PXDC1: variants seen among roughly 807,000 people sequenced by gnomAD.
PXDC1 encodes PX domain containing 1, also known as PX domain-containing protein 1.
In PXDC1, 13 loss-of-function variants were observed where a neutral mutation model predicts 24.4. That is an observed-to-expected ratio of 0.53 (90% CI 0.35 to 0.85). PXDC1 has a LOEUF of 0.85. Among genes scored for constraint, PXDC1 ranks in the 40% least tolerant of loss-of-function variants. The pLI is 0.01. For missense variants in PXDC1, 344 were observed against 309.3 expected (o/e 1.11, Z -0.84); for synonymous variants, 162 against 124.9 (o/e 1.30, Z -1.98).
intron 1 of PXDC1, among the ~76,000 whole-genome samples, chr6:3,743,185 T>A (rs1212475429): frequency 6.7e-6 from 1 of 149,184 alleles, no homozygotes; most frequent in African/African-American, 2.5e-5. Context: ...GGCTTCCTGC[T>A]GCTGCAATTC....
intron 3 of PXDC1, among the ~76,000 whole-genome samples, chr6:3,729,512 G>A (rs767179016): frequency 6.6e-6 from 1 of 152,180 alleles, no homozygotes; most frequent in Non-Finnish European, 1.5e-5. Context: ...GTCCTGAGAA[G>A]GAGCTCTGCG....
intron 3 of PXDC1, among the ~76,000 whole-genome samples, chr6:3,730,210 T>C (rs1345065866): frequency 6.6e-6 from 1 of 152,144 alleles, no homozygotes; most frequent in Non-Finnish European, 1.5e-5. Flanking sequence ...TCCGGTTCCC[T>C]CCTGGATCCC....
intron 4 of PXDC1, among the ~76,000 whole-genome samples, 173 bp downstream of exon 4, chr6:3,727,378 A>T (rs1760091557): frequency 6.6e-6 from 1 of 152,182 alleles, no homozygotes. Flanking sequence ...ACTCATCAAG[A>T]TCTCACCAGA....
chr6:3,751,166 G>T, intron 1 of PXDC1, 110 bp downstream of exon 1: 3 of 877,306 alleles, frequency 3.4e-6, no homozygotes, highest in Non-Finnish European at 4.9e-6. Context: ...CCTGTCCAGG[G>T]CGGGCAGAAA....
intron 3 of PXDC1, among the ~76,000 whole-genome samples, chr6:3,731,391 C>T (rs1309660189): frequency 6.6e-6 from 1 of 152,216 alleles, no homozygotes; most frequent in Non-Finnish European, 1.5e-5. Context: ...TTCAAACATA[C>T]AGTGTGAATG....
At position 3,723,530 on chromosome 6, in the gene PXDC1, G is replaced by A. The variant is rs1045778; in HGVS notation, c.*89C>T. On this transcript the variant is annotated 3_prime_UTR_variant, in exon 5 of 5. Coordinates refer to ENST00000380283, the MANE Select transcript of PXDC1 (RefSeq NM_183373.4). Reference sequence around the variant, plus strand: ...GACGTCTGGGAGTTCCAGAGCTGGGGCAGCAGCTGTGACCATGGGGGCCAG... The same window carrying A: ...GACGTCTGGGAGTTCCAGAGCTGGGACAGCAGCTGTGACCATGGGGGCCAG... 1 of 1,004,918 alleles carries A rather than the reference G, an allele frequency of 1.0e-6. No individual in the cohort carries two copies. Among genetic ancestry groups the A allele is most frequent in the Non-Finnish European group, 1.6e-6 (1 of 641,908 alleles). The allele number at this position is 1,004,918 out of a possible 1,614,324, so 62.3% of individuals were successfully genotyped here. A position where few individuals can be genotyped will look rare whatever the true frequency, so the allele number is the denominator to read the frequency against.
At chr6:3,749,674 G>A (rs931044592) in intron 1 of PXDC1, among the ~76,000 whole-genome samples, 4 of 152,002 alleles carry the variant, frequency 2.6e-5, no homozygotes, top group South Asian at 2.1e-4. Flanking sequence ...AATGACAACT[G>A]GCATTTATGG....
chr6:3,725,721 C>T lies in PXDC1; in HGVS notation c.578+1830G>A, dbSNP rs1760048970. ...CAACCCCCCACCCGACAGCCGGTGC[C>T]GTGTAGAAACAGATCGTCCCTGTGA... On this transcript the variant is annotated intron_variant, in intron 4 of 4. Coordinates refer to ENST00000380283, the MANE Select transcript of PXDC1 (RefSeq NM_183373.4). This position sits in a 1 kb window ranked among gnomAD's most constrained non-coding sequence, Gnocchi z 4.8. Among the ~76,000 whole-genome samples the T allele has an allele frequency of 6.6e-6, 1 of 152,210 alleles. No homozygotes were observed. The highest frequency in any genetic ancestry group is 1.5e-5 in the Non-Finnish European group (1 of 68,036).
At chr6:3,743,027 C>T (rs1760483325) in intron 1 of PXDC1, among the ~76,000 whole-genome samples, 1 of 152,166 alleles carries the variant, frequency 6.6e-6, no homozygotes, top group Non-Finnish European at 1.5e-5. Context: ...ACAGTGAGAG[C>T]CAACGTTAAC....
chr6:3,750,082 G>A (rs1760667018), intron 1 of PXDC1, among the ~76,000 whole-genome samples: 1 of 152,202 alleles, frequency 6.6e-6, no homozygotes, highest in African/African-American at 2.4e-5. Context: ...TCTCGCTCAG[G>A]GCCCCAACTC....
intron 1 of PXDC1, among the ~76,000 whole-genome samples, chr6:3,750,698 G>T (rs991667657): frequency 3.9e-5 from 6 of 152,142 alleles, no homozygotes; most frequent in Non-Finnish European, 5.9e-5. Flanking sequence ...GGTGCGGGGG[G>T]GCCCTGGCTG....
At chr6:3,740,429 C>T (rs1760427212) in intron 1 of PXDC1, among the ~76,000 whole-genome samples, 1 of 152,230 alleles carries the variant, frequency 6.6e-6, no homozygotes, top group African/African-American at 2.4e-5. Flanking sequence ...GACAGACTTA[C>T]ACTAAAAACA....
intron 1 of PXDC1, among the ~76,000 whole-genome samples, chr6:3,743,112 C>T (rs539663024): frequency 6.6e-6 from 1 of 152,346 alleles, no homozygotes; most frequent in East Asian, 1.9e-4. Flanking sequence ...TTGGGCTCAA[C>T]ACTTGCGGTA....
At chr6:3,733,081 C>A (rs1390890167) in intron 3 of PXDC1, among the ~76,000 whole-genome samples, 1 of 152,120 alleles carries the variant, frequency 6.6e-6, no homozygotes, top group Non-Finnish European at 1.5e-5. Context: ...CTCTGAATGC[C>A]CAGAATGACC....
chr6:3,742,319 T>C (rs1304343590), intron 1 of PXDC1, among the ~76,000 whole-genome samples: 1 of 152,256 alleles, frequency 6.6e-6, no homozygotes, highest in Non-Finnish European at 1.5e-5. Flanking sequence ...AAGCAACGAT[T>C]TGAAAACTTG....
At chr6:3,738,016 C>T in intron 2 of PXDC1, 41 bp downstream of exon 2, 2 of 1,541,040 alleles carry the variant, frequency 1.3e-6, no homozygotes, top group Non-Finnish European at 1.8e-6. Context: ...GTGCCAGCAC[C>T]TCCCACCTCC....
intron 3 of PXDC1, among the ~76,000 whole-genome samples, chr6:3,731,864 C>A (rs553463066): frequency 8.3e-4 from 126 of 152,292 alleles, no homozygotes; most frequent in Non-Finnish European, 1.5e-3. Flanking sequence ...TACACAGTGA[C>A]GCTGCATGAG....
rs377192004 is a variant in PXDC1 at position 3,722,719 on chromosome 6, G to A, written c.*900C>T. On this transcript the variant is annotated 3_prime_UTR_variant, in exon 5 of 5. Transcript: ENST00000380283. The stretch of plus-strand genomic sequence containing the variant: ...ACTATTATTTACATTAGCAAATGTC[G>A]GTCGTTAGTAGACACTGAGCAGAGA... 5.2e-4 allele frequency: 79 copies of A among 152,714 alleles called. No individual in the cohort carries two copies. The highest frequency in any genetic ancestry group is 1.8e-3 in the African/African-American group (75 of 41,548). The allele number at this position is 152,714 out of a possible 1,614,324, so 9.5% of individuals were successfully genotyped here. A position where few individuals can be genotyped will look rare whatever the true frequency, so the allele number is the denominator to read the frequency against.
At chr6:3,747,393 G>A (rs1256932180) in intron 1 of PXDC1, among the ~76,000 whole-genome samples, 1 of 152,112 alleles carries the variant, frequency 6.6e-6, no homozygotes, top group Non-Finnish European at 1.5e-5. Context: ...CCGAGTTTGA[G>A]TCAGGCCAAA....
Sources: allele counts gnomAD v4.1 joint callset (sites outside exome capture counted in the v4.1 genomes callset), GRCh38; gene constraint gnomAD v4.1.1; non-coding constraint Gnocchi (gnomAD v3.1); transcripts MANE v1.5; gene names NCBI Gene and HGNC (gene_info 2026-07-23, HGNC 2026-07-21).